The following CSMD1 variants were observed in gnomAD, a reference collection of about 807,000 sequenced individuals.
CSMD1 encodes CUB and Sushi multiple domains 1.
Under a neutral mutation model 417.5 loss-of-function variants are expected in CSMD1, and 213 were observed. The observed-to-expected ratio is 0.51, with a 90% CI of 0.46 to 0.57. CSMD1 has a LOEUF of 0.57. Ranked by LOEUF, CSMD1 falls within the 20% of genes least tolerant of loss-of-function variation. CSMD1 has a pLI of 0.00. For synonymous variants in CSMD1, 2,862 were observed against 1,736.8 expected (o/e 1.65, Z -16.11); for missense variants, 6,923 against 4,529.7 (o/e 1.53, Z -15.17).
intron 3 of CSMD1, among the ~76,000 whole-genome samples, chr8:4,041,267 T>G (rs555952926): frequency 6.8e-6 from 1 of 147,880 alleles, no homozygotes; most frequent in Non-Finnish European, 1.5e-5. Flanking sequence ...TCCGCCCGCC[T>G]CGGCCTCCCA....
intron 3 of CSMD1, among the ~76,000 whole-genome samples, chr8:4,056,674 A>G (rs1487716789): frequency 2.0e-5 from 3 of 151,756 alleles, no homozygotes; most frequent in Non-Finnish European, 2.9e-5. Context: ...TCCTCATGCT[A>G]TCCCTCCCCA....
intron 39 of CSMD1, among the ~76,000 whole-genome samples, chr8:3,152,293 A>G (rs988275663): frequency 6.6e-6 from 1 of 152,256 alleles, no homozygotes; most frequent in Non-Finnish European, 1.5e-5. Flanking sequence ...GCCCAGTGAT[A>G]CAAGACGAAG....
chr8:3,569,295 T>C (rs1268791817), intron 10 of CSMD1, among the ~76,000 whole-genome samples: 2 of 152,180 alleles, frequency 1.3e-5, no homozygotes, highest in Non-Finnish European at 2.9e-5. Context: ...TGTGCATTAT[T>C]AGGGAGATGC....
At chr8:4,909,931 C>G (rs558675262) in intron 1 of CSMD1, among the ~76,000 whole-genome samples, 1 of 152,146 alleles carries the variant, frequency 6.6e-6, no homozygotes, top group Non-Finnish European at 1.5e-5. Flanking sequence ...GCCCTTTACA[C>G]GACTAGCTGA....
At chr8:3,960,432 T>G (rs1053053793) in intron 5 of CSMD1, among the ~76,000 whole-genome samples, 2 of 152,158 alleles carry the variant, frequency 1.3e-5, no homozygotes, top group Admixed American at 6.5e-5. Context: ...CCCTCAATGC[T>G]AGTGAGAAAT....
intron 1 of CSMD1, among the ~76,000 whole-genome samples, chr8:4,736,716 T>C (rs1810269173): frequency 1.3e-5 from 2 of 152,128 alleles, no homozygotes; most frequent in African/African-American, 4.8e-5. Flanking sequence ...AGAAAAAAAG[T>C]TACTGGGAGA....
At chr8:3,508,697 C>T (rs78681125) in intron 10 of CSMD1, among the ~76,000 whole-genome samples, 5,092 of 151,888 alleles carry the variant, frequency 0.034, 258 homozygotes, top group East Asian at 0.22. Flanking sequence ...AAATTTTCTG[C>T]GAGTTTTATG....
chr8:4,412,285 A>G (rs1185427017), intron 3 of CSMD1, among the ~76,000 whole-genome samples: 2 of 152,122 alleles, frequency 1.3e-5, no homozygotes, highest in Non-Finnish European at 2.9e-5. Flanking sequence ...ATAGTTTACC[A>G]CCATCCTCTC....
At chr8:4,460,193 T>C (rs535157366) in intron 2 of CSMD1, among the ~76,000 whole-genome samples, 1 of 152,008 alleles carries the variant, frequency 6.6e-6, no homozygotes, top group South Asian at 2.1e-4. Flanking sequence ...AAAATTAGAA[T>C]TTGAGAAATA....
At chr8:4,116,965 T>C (rs2130928452) in intron 3 of CSMD1, among the ~76,000 whole-genome samples, 1 of 152,162 alleles carries the variant, frequency 6.6e-6, no homozygotes, top group South Asian at 2.1e-4. Context: ...ATCAGGCTGG[T>C]AAGAGGCTAC....
intron 5 of CSMD1, among the ~76,000 whole-genome samples, chr8:3,885,759 C>G (rs954984175): frequency 2.0e-5 from 3 of 152,122 alleles, no homozygotes; most frequent in African/African-American, 7.2e-5. Flanking sequence ...CACAAACAAA[C>G]TGGAGTCAAG....
rs1208930261 is a variant in CSMD1 at position 4,146,593 on chromosome 8, C to CTTTTTTTTTTTTTTTT, written c.416-114495_416-114494insAAAAAAAAAAAAAAAA. 1.2e-3 allele frequency among the ~76,000 whole-genome samples: 110 copies of CTTTTTTTTTTTTTTTT among 90,738 alleles called. 37 individuals carry two copies. The highest frequency in any genetic ancestry group is 7.1e-3 in the Middle Eastern group (1 of 140). The allele number at this position is 90,738 out of a possible 152,430, so 59.5% of individuals were successfully genotyped here. On this transcript the variant is annotated intron_variant, in intron 3 of 69. Coordinates refer to ENST00000635120, the MANE Select transcript of CSMD1 (RefSeq NM_033225.6). Reference sequence around the variant, plus strand: ...ATCTGTCTAAATGTTTATATGGACACATTTTTTTTTTTTTTTTTTTTTTTT... The same window carrying CTTTTTTTTTTTTTTTT: ...ATCTGTCTAAATGTTTATATGGACACTTTTTTTTTTTTTTTTATTTTTTTTTTTTTTTTTTTTTTTT...
chr8:3,014,175 C>G (rs17079056), intron 52 of CSMD1, among the ~76,000 whole-genome samples: 11,769 of 145,450 alleles, frequency 0.081, 535 homozygotes, highest in African/African-American at 0.13. Context: ...ATGCCCTGAT[C>G]GAAGATAGGA....
rs562660595 is a variant in CSMD1 at position 3,567,187 on chromosome 8, A to AT, written c.1344+7757dup. Among the ~76,000 whole-genome samples the AT allele has an allele frequency of 1.3e-3, 200 of 152,294 alleles. 3 individuals carry two copies. Among genetic ancestry groups the AT allele is most frequent in the African/African-American group, 4.4e-3 (184 of 41,566 alleles). On this transcript the variant is annotated intron_variant, in intron 10 of 69. Transcript: ENST00000635120. ...GCAGCAGCAGAAAACCAAATACTGC[A>AT]TGTTCTCACTTCTAGGTGGGCACCA...
At chr8:4,444,553 G>A (rs1041883040) in intron 2 of CSMD1, among the ~76,000 whole-genome samples, 1 of 151,750 alleles carries the variant, frequency 6.6e-6, no homozygotes, top group African/African-American at 2.4e-5. Flanking sequence ...ATCTTTTAGG[G>A]GTTTTCTAAG....
rs140427181 is a variant in CSMD1, at chr8:4,344,377, G to A, written c.415+75576C>T. Among the ~76,000 whole-genome samples the A allele has an allele frequency of 7.0e-3, 1,070 of 152,072 alleles. 11 individuals are homozygous for A. The highest frequency in any genetic ancestry group is 0.025 in the African/African-American group (1,021 of 41,500). ...TACATTATTTTTCATACTCCCATAC[G>A]CTCAAGCTCAGAGAGTACCTACTAT... is the stretch of plus-strand genomic sequence containing the variant. On this transcript the variant is annotated intron_variant, in intron 3 of 69. Coordinates refer to ENST00000635120, the MANE Select transcript of CSMD1 (RefSeq NM_033225.6).
intron 1 of CSMD1, among the ~76,000 whole-genome samples, chr8:4,767,557 C>G (rs565550885): frequency 6.6e-6 from 1 of 152,284 alleles, no homozygotes; most frequent in South Asian, 2.1e-4. Flanking sequence ...CCTGTGTGTT[C>G]TGGGGCCTCT....
At chr8:3,708,228 CG>C (rs1801289736) in intron 7 of CSMD1, among the ~76,000 whole-genome samples, 185 bp downstream of exon 7, 1 of 152,116 alleles carries the variant, frequency 6.6e-6, no homozygotes, top group African/African-American at 2.4e-5. Flanking sequence ...AGAACCACCA[CG>C]ACATTCCTCC....
Position 4,921,021 on chromosome 8 carries a change from A to AAAGT in CSMD1, c.85+73310_85+73311insACTT, listed in dbSNP as rs1240813866. Among the ~76,000 whole-genome samples the AAAGT allele has an allele frequency of 2.3e-3, 301 of 133,420 alleles. 35 individuals are homozygous for AAAGT. Among genetic ancestry groups the AAAGT allele is most frequent in the African/African-American group, 8.7e-3 (282 of 32,428 alleles). The allele number at this position is 133,420 out of a possible 152,430, so 87.5% of individuals were successfully genotyped here. A position where few individuals can be genotyped will look rare whatever the true frequency, so the allele number is the denominator to read the frequency against. ...AAAGAAAGAAAGAAAGAAAAGAAAGAAAGGAAGAAAGAAAGGAAGGAAGAA... is the reference window on the plus strand; with the variant it reads ...AAAGAAAGAAAGAAAGAAAAGAAAGAAAGTAAGGAAGAAAGAAAGGAAGGAAGAA... On this transcript the variant is annotated intron_variant, in intron 1 of 69. Transcript: ENST00000635120.
Sources: gnomAD v4.1 joint callset for allele counts (sites outside exome capture counted in the v4.1 genomes callset) on GRCh38, gnomAD v4.1.1 for gene constraint, MANE v1.5 for transcripts, NCBI Gene and HGNC (gene_info 2026-07-23, HGNC 2026-07-21) for gene names.